SYTL4: variants seen among roughly 807,000 people sequenced by gnomAD.
SYTL4 encodes synaptotagmin like 4, also known as synaptotagmin-like protein 4.
Under a neutral mutation model 52.7 loss-of-function variants are expected in SYTL4, and 16 were observed. That is an observed-to-expected ratio of 0.30 (90% confidence interval 0.21 to 0.46). SYTL4 has a LOEUF of 0.46. Ranked by LOEUF, SYTL4 falls within the 20% of genes least tolerant of loss-of-function variation. The pLI is 1.00. For synonymous variants in SYTL4, 160 were observed against 186.6 expected, an observed-to-expected ratio of 0.86 and a Z score of 1.16; for missense variants, 423 against 519.9, an observed-to-expected ratio of 0.81 and a Z score of 1.81.
chrX:100,728,760 A>G (rs775982069), intron 2 of SYTL4, among the ~76,000 whole-genome samples: 2 of 112,012 alleles, frequency 1.8e-5, no homozygotes, highest in Admixed American at 1.9e-4. Context: ...TAGAGAGGCC[A>G]GGAGCGGTGG....
intron 17 of SYTL4, among the ~76,000 whole-genome samples, chrX:100,680,579 A>G (rs1450901553): frequency 9.1e-6 from 1 of 109,747 alleles, no homozygotes; most frequent in Non-Finnish European, 1.9e-5. Context: ...CTCACATACA[A>G]CCCCACATTA....
At chrX:100,727,006 G>C (rs1454152541) in intron 2 of SYTL4, among the ~76,000 whole-genome samples, 1 of 110,068 alleles carries the variant, frequency 9.1e-6, no homozygotes, top group Non-Finnish European at 1.9e-5. Context: ...TTTTTTATCA[G>C]TCCTTCTCAG....
rs1156491667 is a variant in SYTL4 at position 100,676,035 on chromosome X, C to A, written c.2009G>T (p.Gly670Val). The change falls in exon 20 of 20, where the codon GGT (glycine) becomes GTT (valine). Residue 670 changes from glycine (G) to valine (V), a missense_variant. By Grantham distance (109) the Gly-to-Val change is moderately radical. Transcript: ENST00000372989. ...LRSSMAKQKL[G>V]L ...GCAGAAGAGGACAGGGACTCATAAA[C>A]CCAGCTTCTGCTTGGCCATTGAGGA... is the stretch of plus-strand genomic sequence containing the variant. 1.7e-6 allele frequency: 2 copies of A among 1,209,018 alleles called. No individual in the cohort carries two copies. Among genetic ancestry groups the A allele is most frequent in the South Asian group, 3.6e-5 (2 of 56,188 alleles).
intron 16 of SYTL4, among the ~76,000 whole-genome samples, chrX:100,681,753 A>T (rs2083379381): frequency 8.9e-6 from 1 of 112,221 alleles, no homozygotes; most frequent in African/African-American, 3.2e-5. Context: ...GAGTTAAATG[A>T]ATAATTGTAG....
At chrX:100,676,990 G>T (rs2083289721) in intron 19 of SYTL4, among the ~76,000 whole-genome samples, 1 of 111,855 alleles carries the variant, frequency 8.9e-6, no homozygotes. Context: ...CTGTCCTCAG[G>T]CAACTTTCAT....
chrX:100,682,713 C>T (rs1371377836), intron 16 of SYTL4, among the ~76,000 whole-genome samples: 1 of 110,332 alleles, frequency 9.1e-6, no homozygotes, highest in African/African-American at 3.3e-5. Flanking sequence ...TCCCTCCCCC[C>T]AAAAAAAGAA....
At chrX:100,699,479 ACT>A (rs1491208272) in intron 8 of SYTL4, among the ~76,000 whole-genome samples, 1 of 93,079 alleles carries the variant, frequency 1.1e-5, no homozygotes, top group African/African-American at 4.9e-5. Context: ...TAGCAGCATT[ACT>A]CTTTTTTTTT....
At chrX:100,681,145 T>G in intron 17 of SYTL4, 82 bp downstream of exon 17, 1 of 840,809 alleles carries the variant, frequency 1.2e-6, no homozygotes, top group Non-Finnish European at 1.8e-6. Flanking sequence ...TCTCCAACAG[T>G]GCTAACCAGT....
rs2083837068 is a variant in SYTL4 at position 100,700,953 on chromosome X, C to T, written c.483G>A (p.Gln161=). The change falls in exon 8 of 20, where the codon CAG becomes CAA. Residue 161 remains glutamine (Q), a synonymous_variant. Coordinates refer to ENST00000372989, the MANE Select transcript of SYTL4 (RefSeq NM_001370165.1). The part of the protein sequence containing the change: ...TVGQSLLHQT[Q]MGDIWPGRKI... The stretch of plus-strand genomic sequence containing the variant: ...TTCTTCCTGGCCAGATGTCACCCAT[C>T]TGTGTCTGATGAAGGAGGGACTGTC... 1 of 1,211,155 alleles carries T rather than the reference C, an allele frequency of 8.3e-7. No individual in the cohort carries two copies. The highest frequency in any genetic ancestry group is 1.7e-5 in the African/African-American group (1 of 57,828).
At chrX:100,685,343 G>A (rs1290314209) in intron 16 of SYTL4, 1 of 112,049 alleles carries the variant, frequency 8.9e-6, no homozygotes, top group Admixed American at 9.5e-5. Flanking sequence ...TCATTGTGTA[G>A]TTCTGATAAT....
intron 16 of SYTL4, among the ~76,000 whole-genome samples, chrX:100,682,471 G>A (rs1408543124): frequency 2.7e-5 from 3 of 110,652 alleles, no homozygotes; most frequent in African/African-American, 9.9e-5. Flanking sequence ...CATTTTGGGA[G>A]GCTGAGGTGG....
chrX:100,687,260 C>T lies in SYTL4; in HGVS notation c.1006-15G>A. 8.3e-7 allele frequency: 1 copy of T among 1,202,261 alleles called. No homozygotes were observed. The highest frequency in any genetic ancestry group is 1.1e-6 in the Non-Finnish European group (1 of 888,578). ...CCGATCGTACTCTGAAGATAAAGCA[C>T]CCACGAACATCTGGGGAAGGCACAC... is the stretch of plus-strand genomic sequence containing the variant. On this transcript the variant is annotated splice_polypyrimidine_tract_variant and intron_variant, in intron 13 of 19. Coordinates refer to ENST00000372989, the MANE Select transcript of SYTL4 (RefSeq NM_001370165.1).
chrX:100,724,162 C>T (rs1412767698), intron 2 of SYTL4, among the ~76,000 whole-genome samples: 3 of 92,208 alleles, frequency 3.3e-5, no homozygotes, highest in Non-Finnish European at 6.5e-5. Context: ...CAGCCCCCCA[C>T]ACGGCCAGCC....
chrX:100,678,447 C>G lies in SYTL4; in HGVS notation c.1811G>C (p.Arg604Pro), dbSNP rs759638251. Residue 604 changes from arginine to proline, a missense_variant, in exon 19 of 20, where the codon CGG becomes CCG. Coordinates refer to ENST00000372989, the MANE Select transcript of SYTL4 (RefSeq NM_001370165.1). The stretch of plus-strand genomic sequence containing the variant: ...GAAGTCATTGCTGGCCAGGGGCTCC[C>G]GGTCCCACACAGTCAGTTCCAGGCA... The part of the protein sequence containing the change: ...HMCLELTVWD[R>P]EPLASNDFLG... 1.7e-6 allele frequency: 2 copies of G among 1,211,271 alleles called. No homozygotes were observed. Among genetic ancestry groups the G allele is most frequent in the Non-Finnish European group, 2.2e-6 (2 of 895,220 alleles).
At chrX:100,711,867 G>A (rs1419422590) in intron 2 of SYTL4, among the ~76,000 whole-genome samples, 1 of 107,318 alleles carries the variant, frequency 9.3e-6, no homozygotes, top group African/African-American at 3.4e-5. Context: ...GAGTGGTGGG[G>A]TGGGGTGGGG....
At position 100,701,223 on chromosome X, in the gene SYTL4, C is replaced by T. The variant is rs986866587; in HGVS notation, c.433G>A (p.Ala145Thr). 1 of 1,204,076 alleles carries T rather than the reference C, an allele frequency of 8.3e-7. No individual in the cohort carries two copies. Among genetic ancestry groups the T allele is most frequent in the Non-Finnish European group, 1.1e-6 (1 of 888,835 alleles). Reference protein sequence around the residue: ...IIRMSLRHKPAVSKRETVGQS... With the variant: ...IIRMSLRHKPTVSKRETVGQS... ...CATCTCTAGACAGGTCCAGTACCTGCAGGTTTGTGGCGCAGGGACATCCTG... is the reference window on the plus strand; with the variant it reads ...CATCTCTAGACAGGTCCAGTACCTGTAGGTTTGTGGCGCAGGGACATCCTG... The change falls in exon 7 of 20, where the codon GCA (alanine) becomes ACA (threonine). Residue 145 changes from alanine (A) to threonine (T), a missense_variant. Ala to Thr is a moderately conservative substitution (Grantham distance 58). Coordinates refer to ENST00000372989, the MANE Select transcript of SYTL4 (RefSeq NM_001370165.1).
intron 2 of SYTL4, among the ~76,000 whole-genome samples, chrX:100,721,424 G>A (rs772602554): frequency 5.1e-4 from 57 of 112,084 alleles, no homozygotes; most frequent in Non-Finnish European, 9.8e-4. Context: ...TAGATTGTAA[G>A]CTGTATGACA....
intron 8 of SYTL4, among the ~76,000 whole-genome samples, chrX:100,695,938 T>C (rs1316819882): frequency 1.8e-5 from 2 of 111,988 alleles, no homozygotes; most frequent in Non-Finnish European, 3.8e-5. Context: ...AACAGAACCA[T>C]ACAGTATGTA....
rs1307271359 is a variant in SYTL4, at chrX:100,675,438, G to C, written c.*590C>G. The C allele has an allele frequency of 8.9e-6, 1 of 112,895 alleles. No homozygotes were observed. Among genetic ancestry groups the C allele is most frequent in the Non-Finnish European group, 1.9e-5 (1 of 53,375 alleles). 9.3% of individuals were successfully genotyped at this position (112,895 alleles called of 1,213,427 possible). ...TTTCAAAGAAAAGCATTAGACCAAA[G>C]CAAGGTGGAAACTGCTTAAAAACTA... is the stretch of plus-strand genomic sequence containing the variant. On this transcript the variant is annotated 3_prime_UTR_variant, in exon 20 of 20. Transcript: ENST00000372989.
Sources: allele counts gnomAD v4.1 joint callset (sites outside exome capture counted in the v4.1 genomes callset), GRCh38; gene constraint gnomAD v4.1.1; transcripts MANE v1.5; gene names NCBI Gene and HGNC (gene_info 2026-07-23, HGNC 2026-07-21).